Variants in FBF1 observed in about 807,000 individuals in gnomAD.
FBF1 encodes the protein fas-binding factor 1.
In FBF1, 119 loss-of-function variants were observed where a neutral mutation model predicts 147.2. The observed-to-expected ratio is 0.81, with a 90% CI of 0.70 to 0.94. The LOEUF (loss-of-function observed/expected upper bound fraction) is 0.94. Among genes scored for constraint, FBF1 ranks in the 40% least tolerant of loss-of-function variants. The pLI, the probability that FBF1 is intolerant of heterozygous loss-of-function variation, is 0.00. For missense variants in FBF1, 1,449 were observed against 1,500.8 expected, an observed-to-expected ratio of 0.97 and a Z score of 0.57; for synonymous variants, 601 against 609.0, an observed-to-expected ratio of 0.99 and a Z score of 0.19.
chr17:75,927,729 C>A (rs1165351315), intron 8 of FBF1, among the ~76,000 whole-genome samples, 197 bp from the exon 9 acceptor site: 1 of 152,158 alleles, frequency 6.6e-6, no homozygotes, highest in Non-Finnish European at 1.5e-5. Flanking sequence ...GTAGGAGCTA[C>A]CTCTGCTTCC....
Position 75,917,753 on chromosome 17 carries a change from C to T in FBF1, c.2484G>A (p.Glu828=). 1 of 1,604,924 alleles carries T rather than the reference C, an allele frequency of 6.2e-7. No individual in the cohort carries two copies. The highest frequency in any genetic ancestry group is 8.5e-7 in the Non-Finnish European group (1 of 1,177,048). The change falls in exon 23 of 30, where the codon GAG becomes GAA. Residue 828 remains glutamate (E), a synonymous_variant. Transcript: ENST00000636174. The part of the protein sequence containing the change: ...VIGKMEARLN[E]QSRLLEQERW... Reference sequence around the variant, plus strand: ...TCACCTGCTCCAGCAGCCGGCTCTGCTCATTCAGCCGTGCCTCCATCTTCC... The same window carrying T: ...TCACCTGCTCCAGCAGCCGGCTCTGTTCATTCAGCCGTGCCTCCATCTTCC...
chr17:75,918,342 GGT>G lies in FBF1; in HGVS notation c.2139-75_2139-74del. 4.6e-6 allele frequency: 6 copies of G among 1,313,242 alleles called. No individual in the cohort carries two copies. Among genetic ancestry groups the G allele is most frequent in the South Asian group, 1.3e-5 (1 of 75,530 alleles). 81.3% of individuals were successfully genotyped at this position (1,313,242 alleles called of 1,614,324 possible). On this transcript the variant is annotated intron_variant, in intron 20 of 29. Coordinates refer to ENST00000636174, the MANE Select transcript of FBF1 (RefSeq NM_001319193.2). This position sits in a 1 kb window ranked among gnomAD's most constrained non-coding sequence, Gnocchi z 5.8. ...CTGATGCGGTAACTCCTTGTGGAAG[GGT>G]GTGTTTCCGTGCAGCCCTTGCTCCC...
intron 13 of FBF1, among the ~76,000 whole-genome samples, chr17:75,924,622 C>T (rs1193876631): frequency 2.0e-5 from 3 of 152,066 alleles, no homozygotes; most frequent in Admixed American, 6.5e-5. Context: ...GAATCACAGG[C>T]GCCCACCACC....
In FBF1 at chr17:75,912,274, C is replaced by T. The variant is rs1476403546; in HGVS notation, c.3281G>A (p.Cys1094Tyr). 3.1e-6 allele frequency: 5 copies of T among 1,608,792 alleles called. No homozygotes were observed. In the African/African-American group the frequency reaches 6.7e-5, roughly 21 times the overall value. ...GTCCAGGCCAGTTGGCGGCTGGCTGCACCAACGGGTGGTGGGAGCAGGAGG... is the reference window on the plus strand; with the variant it reads ...GTCCAGGCCAGTTGGCGGCTGGCTGTACCAACGGGTGGTGGGAGCAGGAGG... ...LMPPAPTTRW[C>Y]SQPPTGLDPS... The change falls in exon 29 of 30, where the codon TGC becomes TAC. Residue 1094 changes from cysteine (C) to tyrosine (Y), a missense_variant. Coordinates refer to ENST00000636174, the MANE Select transcript of FBF1 (RefSeq NM_001319193.2).
chr17:75,917,868 G>C lies in FBF1; in HGVS notation c.2387-18C>G, dbSNP rs905200993. The C allele has an allele frequency of 1.9e-6, 3 of 1,562,512 alleles. No homozygotes were observed. In the African/African-American group the frequency reaches 4.8e-5, roughly 25 times the overall value. ...CTGCAGTGCTGGGGGCAACCCACAG[G>C]GTGCTCAGCAGCTGCTCCCCCTTCC... is the stretch of plus-strand genomic sequence containing the variant. On this transcript the variant is annotated intron_variant, in intron 22 of 29. Transcript: ENST00000636174.
chr17:75,920,232 C>T (rs376485899), intron 18 of FBF1, 42 bp downstream of exon 18: 152 of 1,597,422 alleles, frequency 9.5e-5, no homozygotes, highest in African/African-American at 4.4e-4. Flanking sequence ...CCCCTCCTGT[C>T]GCAACCCTGC....
intron 3 of FBF1, among the ~76,000 whole-genome samples, chr17:75,937,101 C>G (rs16968330): frequency 0.027 from 4,166 of 152,188 alleles, 166 homozygotes; most frequent in African/African-American, 0.081. Flanking sequence ...TCTCTGAGGA[C>G]CAGTGAGGCA....
chr17:75,932,627 G>A (rs767087399), intron 5 of FBF1, among the ~76,000 whole-genome samples: 1 of 151,970 alleles, frequency 6.6e-6, no homozygotes, highest in Admixed American at 6.6e-5. Context: ...GGTGCCTCAC[G>A]CCTGTAATCC....
chr17:75,921,833 C>T, intron 15 of FBF1, 112 bp downstream of exon 15: 7 of 968,080 alleles, frequency 7.2e-6, no homozygotes, highest in Non-Finnish European at 1.1e-5. Flanking sequence ...CTGTGTGGGA[C>T]ACGGGGACGG....
chr17:75,909,660 T>C lies in FBF1; in HGVS notation c.*1063A>G. 1 of 570,986 alleles carries C rather than the reference T, an allele frequency of 1.8e-6. No homozygotes were observed. Among genetic ancestry groups the C allele is most frequent in the Non-Finnish European group, 3.1e-6 (1 of 320,068 alleles). The allele number at this position is 570,986 out of a possible 1,614,324, so 35.4% of individuals were successfully genotyped here. A position where few individuals can be genotyped will look rare whatever the true frequency, so the allele number is the denominator to read the frequency against. Reference sequence around the variant, plus strand: ...GCTAATAGTACCCTTCTCCTGGCTGTGGTCCAGCTGCCAGGTGCCACCGCA... The same window carrying C: ...GCTAATAGTACCCTTCTCCTGGCTGCGGTCCAGCTGCCAGGTGCCACCGCA... On this transcript the variant is annotated 3_prime_UTR_variant, in exon 30 of 30. Transcript: ENST00000636174.
In FBF1 at chr17:75,914,350, C is replaced by T. The variant is rs971220456; in HGVS notation, c.2815-52G>A. 3.2e-6 allele frequency: 5 copies of T among 1,547,432 alleles called. No homozygotes were observed. In the African/African-American group the frequency reaches 5.4e-5, roughly 17 times the overall value. ...TTCTCCTCCCAGGAATTGCGCTGCACTCTGTGCAGGACTCTAGGGTCCCCT... is the reference window on the plus strand; with the variant it reads ...TTCTCCTCCCAGGAATTGCGCTGCATTCTGTGCAGGACTCTAGGGTCCCCT... On this transcript the variant is annotated intron_variant, in intron 25 of 29. Coordinates refer to ENST00000636174, the MANE Select transcript of FBF1 (RefSeq NM_001319193.2).
intron 28 of FBF1, among the ~76,000 whole-genome samples, chr17:75,912,820 CA>C (rs2065463874): frequency 6.6e-6 from 1 of 152,202 alleles, no homozygotes; most frequent in African/African-American, 2.4e-5. Context: ...GCGGGTGGAT[CA>C]CCTGAGGTCA....
chr17:75,935,712 A>G (rs2065620399), intron 3 of FBF1, 39 bp from the exon 4 acceptor site: 1 of 1,526,454 alleles, frequency 6.6e-7, no homozygotes, highest in South Asian at 1.2e-5. Flanking sequence ...TCAGGAGGAA[A>G]GAAGAGTGGC....
At chr17:75,937,021 A>G (rs1255729845) in intron 3 of FBF1, among the ~76,000 whole-genome samples, 1 of 152,028 alleles carries the variant, frequency 6.6e-6, no homozygotes, top group Admixed American at 6.6e-5. Context: ...TCCCAACCAC[A>G]TATTTCTGGA....
intron 29 of FBF1, among the ~76,000 whole-genome samples, chr17:75,911,622 G>A (rs2065457099): frequency 6.6e-6 from 1 of 152,172 alleles, no homozygotes; most frequent in Admixed American, 6.5e-5. Context: ...GGGCTTAAGT[G>A]ATCCTCTTAC....
Position 75,925,340 on chromosome 17 carries a change from C to A in FBF1, c.968+7G>T, listed in dbSNP as rs750729757. The A allele has an allele frequency of 6.2e-7, 1 of 1,611,290 alleles. No individual in the cohort carries two copies. The highest frequency in any genetic ancestry group is 8.5e-7 in the Non-Finnish European group (1 of 1,178,688). ...AAGAGGCCAAGCCTCCTGCAGGCCC[C>A]ACTTACCTGACAGACTGCCGGCGGG... On this transcript the variant is annotated splice_region_variant and intron_variant, in intron 13 of 29. Transcript: ENST00000636174. The surrounding 1 kb of genome is among the most constrained non-coding windows in gnomAD (Gnocchi z 5.0).
At chr17:75,915,204 C>CT in intron 23 of FBF1, 65 bp from the exon 24 acceptor site, 2 of 1,536,242 alleles carry the variant, frequency 1.3e-6, no homozygotes, top group Non-Finnish European at 1.7e-6. Context: ...TGGCCACTCC[C>CT]TGAGAAGCTG....
chr17:75,918,024 G>A lies in FBF1; in HGVS notation c.2293C>T (p.Leu765=), dbSNP rs757109458. 3 of 1,612,324 alleles carry A rather than the reference G, an allele frequency of 1.9e-6. No homozygotes were observed. The highest frequency in any genetic ancestry group is 2.5e-6 in the Non-Finnish European group (3 of 1,178,908). ...TCCACGCGGGAGGACAACTCGTGCAGGCTGCTGGAGAACTTCTCCATCTGG... is the reference window on the plus strand; with the variant it reads ...TCCACGCGGGAGGACAACTCGTGCAAGCTGCTGGAGAACTTCTCCATCTGG... ...IHQMEKFSSS[L]HELSSRVEAS... The change falls in exon 22 of 30, where the codon CTG becomes TTG. Residue 765 remains leucine, a synonymous_variant. Coordinates refer to ENST00000636174, the MANE Select transcript of FBF1 (RefSeq NM_001319193.2). The surrounding 1 kb of genome is among the most constrained non-coding windows in gnomAD (Gnocchi z 5.8).
intron 11 of FBF1, 41 bp from the exon 12 acceptor site, chr17:75,926,204 G>A (rs777924907): frequency 1.9e-6 from 3 of 1,604,248 alleles, no homozygotes; most frequent in Non-Finnish European, 2.6e-6. Flanking sequence ...TAGGTATGAG[G>A]GGCTCTCGGG....
Sources: allele counts gnomAD v4.1 joint callset (sites outside exome capture counted in the v4.1 genomes callset), GRCh38; gene constraint gnomAD v4.1.1; non-coding constraint Gnocchi (gnomAD v3.1); transcripts MANE v1.5; gene names NCBI Gene and HGNC (gene_info 2026-07-23, HGNC 2026-07-21).